The following MOB3B variants were observed in gnomAD, a reference collection of about 807,000 sequenced individuals.
MOB3B encodes MOB kinase activator-like 2B.
Under a neutral mutation model 18.7 loss-of-function variants are expected in MOB3B, and 7 were observed. That is an observed-to-expected ratio of 0.37 (90% CI 0.21 to 0.70). The LOEUF (loss-of-function observed/expected upper bound fraction) is 0.70. Among genes scored for constraint, MOB3B ranks in the 30% least tolerant of loss-of-function variants. The pLI is 0.52. For missense variants in MOB3B, 253 were observed against 281.3 expected, an observed-to-expected ratio of 0.90 and a Z score of 0.72; for synonymous variants, 111 against 99.9, an observed-to-expected ratio of 1.11 and a Z score of -0.66.
At chr9:27,464,558 A>T (rs1358334770) in intron 1 of MOB3B, among the ~76,000 whole-genome samples, 1 of 152,220 alleles carries the variant, frequency 6.6e-6, no homozygotes, top group East Asian at 1.9e-4. Context: ...AACACATTAC[A>T]TTCCTGGTTA....
In MOB3B at chr9:27,329,235, G is replaced by T. The variant is rs906723455; in HGVS notation, c.*1352C>A. The T allele has an allele frequency of 2.6e-5, 4 of 152,010 alleles. No individual in the cohort carries two copies. The highest frequency in any genetic ancestry group is 9.7e-5 in the African/African-American group (4 of 41,342). 9.4% of individuals were successfully genotyped at this position (152,010 alleles called of 1,614,324 possible). A position where few individuals can be genotyped will look rare whatever the true frequency, so the allele number is the denominator to read the frequency against. On this transcript the variant is annotated 3_prime_UTR_variant, in exon 4 of 4. Coordinates refer to ENST00000262244, the MANE Select transcript of MOB3B (RefSeq NM_024761.5). ...TTTTGCTAAATTAAAAGGATCACTG[G>T]AAGTATTATGACCCCCCTCGTCACA...
chr9:27,477,100 A>G (rs375041239), intron 1 of MOB3B, among the ~76,000 whole-genome samples: 1 of 152,282 alleles, frequency 6.6e-6, no homozygotes, highest in East Asian at 1.9e-4. Flanking sequence ...AGGGCATTCA[A>G]AAGGGCTCTG....
intron 2 of MOB3B, among the ~76,000 whole-genome samples, chr9:27,421,986 G>C (rs916569311): frequency 4.6e-5 from 7 of 152,174 alleles, no homozygotes; most frequent in Admixed American, 1.3e-4. Flanking sequence ...AGTTCAATGA[G>C]AGTGAGGATT....
At chr9:27,413,247 G>A (rs569087549) in intron 2 of MOB3B, among the ~76,000 whole-genome samples, 1 of 152,284 alleles carries the variant, frequency 6.6e-6, no homozygotes, top group South Asian at 2.1e-4. Flanking sequence ...CGGGGGCAAA[G>A]GGACAGGGAG....
intron 2 of MOB3B, among the ~76,000 whole-genome samples, chr9:27,415,903 G>A (rs1298536423): frequency 6.6e-6 from 1 of 152,158 alleles, no homozygotes; most frequent in Non-Finnish European, 1.5e-5. Context: ...TCAATATGGG[G>A]TTTCGTGCGT....
intron 1 of MOB3B, among the ~76,000 whole-genome samples, chr9:27,495,004 T>C (rs1410169608): frequency 6.6e-6 from 1 of 152,016 alleles, no homozygotes. Flanking sequence ...ACAATCAGAG[T>C]GGCAAGGTTC....
chr9:27,493,613 C>T (rs1040735254), intron 1 of MOB3B, among the ~76,000 whole-genome samples: 2 of 152,014 alleles, frequency 1.3e-5, no homozygotes, highest in Admixed American at 6.6e-5. Flanking sequence ...TGCATTCCAG[C>T]CTGGGCGACT....
intron 2 of MOB3B, among the ~76,000 whole-genome samples, chr9:27,430,280 G>A (rs182142735): frequency 6.7e-4 from 102 of 152,196 alleles, no homozygotes; most frequent in African/African-American, 2.4e-3. Flanking sequence ...GGTGCTCTCC[G>A]GCAGCCTCTC....
chr9:27,366,715 G>A (rs1027781675), intron 2 of MOB3B, among the ~76,000 whole-genome samples: 4 of 152,170 alleles, frequency 2.6e-5, no homozygotes, highest in Admixed American at 6.5e-5. Context: ...TCTGTGATCG[G>A]TGCTGGGCTG....
chr9:27,348,444 G>C (rs928025785), intron 3 of MOB3B, among the ~76,000 whole-genome samples: 3 of 152,070 alleles, frequency 2.0e-5, no homozygotes, highest in Non-Finnish European at 2.9e-5. Context: ...CTTGAGTTCA[G>C]GAGTTCCAGA....
At chr9:27,481,796 A>G (rs954444737) in intron 1 of MOB3B, among the ~76,000 whole-genome samples, 3 of 152,086 alleles carry the variant, frequency 2.0e-5, no homozygotes. Context: ...AAGTGCAAGG[A>G]TTACAGGCGT....
rs201200121 is a variant in MOB3B, at chr9:27,427,171, C to G, written c.418+27962G>C. Among the ~76,000 whole-genome samples the G allele has an allele frequency of 1.2e-4, 18 of 152,306 alleles. No individual in the cohort carries two copies. The East Asian group carries it at 3.5e-3, about 29-fold the overall frequency. On this transcript the variant is annotated intron_variant, in intron 2 of 3. Transcript: ENST00000262244. Reference sequence around the variant, plus strand: ...AGGGCACCTTGATGCAGACCTAAAGCAGTGCTAGTTCCATTTTTTTTCCCA... The same window carrying G: ...AGGGCACCTTGATGCAGACCTAAAGGAGTGCTAGTTCCATTTTTTTTCCCA...
At chr9:27,485,903 T>C (rs886968629) in intron 1 of MOB3B, among the ~76,000 whole-genome samples, 1 of 152,264 alleles carries the variant, frequency 6.6e-6, no homozygotes, top group African/African-American at 2.4e-5. Context: ...TGAGCTGAAC[T>C]ATTCAAGACT....
chr9:27,380,355 C>T (rs1405266839), intron 2 of MOB3B, among the ~76,000 whole-genome samples: 1 of 151,236 alleles, frequency 6.6e-6, no homozygotes, highest in East Asian at 1.9e-4. Context: ...ACCTCCGCCT[C>T]AGCCTCCCGA....
At chr9:27,357,830 T>C (rs891894454) in intron 3 of MOB3B, among the ~76,000 whole-genome samples, 2 of 138,590 alleles carry the variant, frequency 1.4e-5, no homozygotes, top group African/African-American at 2.8e-5. Context: ...GGGTGGAGAA[T>C]TGCTTGAAGC....
intron 2 of MOB3B, among the ~76,000 whole-genome samples, chr9:27,449,662 G>A (rs1822750621): frequency 6.6e-6 from 1 of 152,122 alleles, no homozygotes; most frequent in Admixed American, 6.6e-5. Context: ...TAAAAACCAT[G>A]TGAGAGACAT....
At position 27,422,675 on chromosome 9, in the gene MOB3B, A is replaced by T. The variant is rs117382885; in HGVS notation, c.418+32458T>A. Among the ~76,000 whole-genome samples, 3 of 152,344 alleles carry T rather than the reference A, an allele frequency of 2.0e-5. No homozygotes were observed. The East Asian group carries it at 5.8e-4, about 29-fold the overall frequency. On this transcript the variant is annotated intron_variant, in intron 2 of 3. Transcript: ENST00000262244. ...TGAGATCAGTCTCTGATGAATATTA[A>T]TGACTTTCAAAAAAATTGTATCTGG...
intron 1 of MOB3B, among the ~76,000 whole-genome samples, chr9:27,487,948 C>T (rs1431919923): frequency 6.6e-6 from 1 of 152,164 alleles, no homozygotes; most frequent in African/African-American, 2.4e-5. Context: ...AACCAAACTT[C>T]TGAGAGAAAT....
intron 2 of MOB3B, among the ~76,000 whole-genome samples, chr9:27,420,548 CATATATATAT>C (rs55684272): frequency 0.048 from 1,483 of 31,060 alleles, 43 homozygotes; most frequent in African/African-American, 0.062. Context: ...CTGTATATTC[CATATATATAT>C]ATATATATAT....
Sources: gnomAD v4.1 joint callset for allele counts (sites outside exome capture counted in the v4.1 genomes callset) on GRCh38, gnomAD v4.1.1 for gene constraint, MANE v1.5 for transcripts, NCBI Gene and HGNC (gene_info 2026-07-23, HGNC 2026-07-21) for gene names.